SFMBT2: variants seen among roughly 807,000 people sequenced by gnomAD.
SFMBT2 encodes scm-like with four MBT domains protein 2.
A neutral mutation model predicts 110.1 loss-of-function variants in SFMBT2; 38 were observed. That is an observed-to-expected ratio of 0.35 (90% confidence interval 0.27 to 0.45). The LOEUF (loss-of-function observed/expected upper bound fraction) is 0.45. Among genes scored for constraint, SFMBT2 ranks in the 20% least tolerant of loss-of-function variants. The pLI is 1.00. For synonymous variants in SFMBT2, 425 were observed against 425.4 expected, an observed-to-expected ratio of 1.00 and a Z score of 0.01; for missense variants, 1,011 against 1,094.9, an observed-to-expected ratio of 0.92 and a Z score of 1.08.
At chr10:7,240,110 T>A (rs138127936) in intron 9 of SFMBT2, among the ~76,000 whole-genome samples, 7 of 152,186 alleles carry the variant, frequency 4.6e-5, no homozygotes, top group Admixed American at 4.6e-4. Context: ...AAAAATGGTA[T>A]TGTTACACGT....
At chr10:7,200,937 TAA>T in intron 13 of SFMBT2, 1 of 751,722 alleles carries the variant, frequency 1.3e-6, no homozygotes, top group Non-Finnish European at 1.6e-6. Context: ...ATGGCCACAC[TAA>T]AAATAAGGCC....
chr10:7,402,305 G>A (rs1384791056), intron 1 of SFMBT2, among the ~76,000 whole-genome samples: 3 of 152,126 alleles, frequency 2.0e-5, no homozygotes, highest in Admixed American at 2.0e-4. Context: ...AAGTAAACAT[G>A]TCTTCCGCCT....
chr10:7,362,398 A>C lies in SFMBT2; in HGVS notation c.436+5251T>G, dbSNP rs1242393581. Reference sequence around the variant, plus strand: ...TGGCTTGCATTAATTCACAGCTTACATTAATTTAAAAGAGCCATGCAAGAA... The same window carrying C: ...TGGCTTGCATTAATTCACAGCTTACCTTAATTTAAAAGAGCCATGCAAGAA... On this transcript the variant is annotated intron_variant, in intron 4 of 20. Coordinates refer to ENST00000397167, the MANE Select transcript of SFMBT2 (RefSeq NM_001387889.1). 2.6e-5 allele frequency among the ~76,000 whole-genome samples: 4 copies of C among 152,214 alleles called. No individual in the cohort carries two copies. The South Asian group carries it at 6.2e-4, about 24-fold the overall frequency.
intron 11 of SFMBT2, among the ~76,000 whole-genome samples, chr10:7,218,941 C>A (rs117625552): frequency 6.6e-6 from 1 of 152,166 alleles, no homozygotes; most frequent in East Asian, 1.9e-4. Flanking sequence ...AGTCATAAAG[C>A]ATGCTGAAAG....
chr10:7,341,325 C>A (rs1028037442), intron 4 of SFMBT2, among the ~76,000 whole-genome samples: 6 of 152,150 alleles, frequency 3.9e-5, no homozygotes, highest in Non-Finnish European at 8.8e-5. Flanking sequence ...CCATTTTCAC[C>A]ACCACAGTCA....
At position 7,257,726 on chromosome 10, in the gene SFMBT2, T is replaced by C. The variant is rs1289155449; in HGVS notation, c.871-9077A>G. Among the ~76,000 whole-genome samples the C allele has an allele frequency of 2.0e-5, 3 of 152,332 alleles. No individual in the cohort carries two copies. The East Asian group carries it at 5.8e-4, about 29-fold the overall frequency. ...GAAGCTTATGCTTTTAAAATGTCAC[T>C]ATGTGGCTATCACAGACTCCGAAAA... On this transcript the variant is annotated intron_variant, in intron 7 of 20. Coordinates refer to ENST00000397167, the MANE Select transcript of SFMBT2 (RefSeq NM_001387889.1).
intron 2 of SFMBT2, among the ~76,000 whole-genome samples, chr10:7,371,542 T>A (rs1222157420): frequency 6.6e-6 from 1 of 152,228 alleles, no homozygotes; most frequent in Non-Finnish European, 1.5e-5. Context: ...CCAAAAAGCA[T>A]CAAATAATGC....
At chr10:7,262,143 G>T (rs1841224714) in intron 7 of SFMBT2, among the ~76,000 whole-genome samples, 1 of 143,994 alleles carries the variant, frequency 6.9e-6, no homozygotes, top group South Asian at 2.1e-4. Context: ...CTTTACATCA[G>T]GTTTCTCCCT....
At chr10:7,224,508 G>A (rs1022624422) in intron 10 of SFMBT2, among the ~76,000 whole-genome samples, 3 of 152,040 alleles carry the variant, frequency 2.0e-5, no homozygotes, top group Non-Finnish European at 4.4e-5. Flanking sequence ...CCCACATGTC[G>A]TCAACTGTGG....
chr10:7,217,108 T>C (rs923016258), intron 11 of SFMBT2, among the ~76,000 whole-genome samples: 4 of 152,344 alleles, frequency 2.6e-5, no homozygotes, highest in African/African-American at 7.2e-5. Flanking sequence ...ATTTGACTCA[T>C]GTGAGGTACT....
chr10:7,223,368 A>G (rs914174100), intron 10 of SFMBT2, among the ~76,000 whole-genome samples: 2 of 151,828 alleles, frequency 1.3e-5, no homozygotes, highest in African/African-American at 4.8e-5. Context: ...GTTAGCTTGC[A>G]TTTGCCCTGC....
intron 10 of SFMBT2, among the ~76,000 whole-genome samples, chr10:7,225,367 A>T (rs889973697): frequency 1.3e-5 from 2 of 152,222 alleles, no homozygotes; most frequent in Admixed American, 1.3e-4. Context: ...ATTCCACACT[A>T]GCTCTCCTCT....
At chr10:7,213,135 G>A (rs1034992871) in intron 11 of SFMBT2, among the ~76,000 whole-genome samples, 1 of 152,086 alleles carries the variant, frequency 6.6e-6, no homozygotes, top group Non-Finnish European at 1.5e-5. Context: ...TACATGCGGG[G>A]CTTCAAACCT....
At chr10:7,206,759 G>T in intron 11 of SFMBT2, 1 of 734,756 alleles carries the variant, frequency 1.4e-6, no homozygotes, top group Non-Finnish European at 1.7e-6. Flanking sequence ...GCTATGGAGA[G>T]AATAAATTTG....
Position 7,314,131 on chromosome 10 carries a change from A to G in SFMBT2, c.437-28177T>C, listed in dbSNP as rs1237054804. Among the ~76,000 whole-genome samples the G allele has an allele frequency of 1.3e-5, 2 of 152,236 alleles. 1 individual carries two copies. Among genetic ancestry groups the G allele is most frequent in the Non-Finnish European group, 2.9e-5 (2 of 68,040 alleles). On this transcript the variant is annotated intron_variant, in intron 4 of 20. Transcript: ENST00000397167. ...CATGTCCTAGTTAGAACATTTAGTA[A>G]GAGTCTAATTTAGAATCATTGCACG... is the stretch of plus-strand genomic sequence containing the variant.
intron 1 of SFMBT2, among the ~76,000 whole-genome samples, chr10:7,406,608 C>A (rs753938379): frequency 6.6e-6 from 1 of 152,096 alleles, no homozygotes; most frequent in African/African-American, 2.4e-5. Context: ...AAAGTCTTGA[C>A]TTTTAAGTCA....
intron 4 of SFMBT2, among the ~76,000 whole-genome samples, chr10:7,315,037 AG>A (rs1157176569): frequency 2.0e-5 from 2 of 97,650 alleles, no homozygotes; most frequent in African/African-American, 8.1e-5. Flanking sequence ...AAAGAAAGAA[AG>A]AGAAAGAAAG....
At chr10:7,343,836 C>T (rs4748839) in intron 4 of SFMBT2, among the ~76,000 whole-genome samples, 100,888 of 152,020 alleles carry the variant, frequency 0.66, 34,086 homozygotes, top group African/African-American at 0.79. Flanking sequence ...TTTGAGGGGG[C>T]AGAAAATGTG....
At chr10:7,318,836 A>G (rs908680811) in intron 4 of SFMBT2, among the ~76,000 whole-genome samples, 3 of 152,262 alleles carry the variant, frequency 2.0e-5, no homozygotes, top group Non-Finnish European at 4.4e-5. Flanking sequence ...TTTTATTTGT[A>G]CACAATTCCT....
Sources: allele counts gnomAD v4.1 joint callset (sites outside exome capture counted in the v4.1 genomes callset), GRCh38; gene constraint gnomAD v4.1.1; transcripts MANE v1.5; gene names NCBI Gene and HGNC (gene_info 2026-07-23, HGNC 2026-07-21).